Variants in FZR1 observed in about 807,000 individuals in gnomAD.
The protein encoded by FZR1 is fizzy and cell division cycle 20 related 1.
Under a neutral mutation model 63.6 loss-of-function variants are expected in FZR1, and 11 were observed. The observed-to-expected ratio is 0.17, with a 90% CI of 0.11 to 0.29. The LOEUF (loss-of-function observed/expected upper bound fraction) is 0.29. FZR1 is among the 10% of genes least tolerant of loss of function. The pLI is 1.00. For missense variants in FZR1, 440 were observed against 687.5 expected, an observed-to-expected ratio of 0.64 and a Z score of 4.03; for synonymous variants, 328 against 297.9, an observed-to-expected ratio of 1.10 and a Z score of -1.04.
chr19:3,509,487 A>G (rs2083009447), intron 1 of FZR1, among the ~76,000 whole-genome samples: 1 of 152,042 alleles, frequency 6.6e-6, no homozygotes, highest in Admixed American at 6.6e-5. Flanking sequence ...ATTTGGATAC[A>G]CTTCTCCTGC....
intron 7 of FZR1, 144 bp from the exon 8 acceptor site, chr19:3,530,648 G>A: frequency 3.1e-6 from 2 of 638,442 alleles, no homozygotes; most frequent in South Asian, 3.7e-5. Context: ...AAAAGTGGAT[G>A]GGACTGTGGA....
chr19:3,508,200 CTTTTTT>C (rs71166908), intron 1 of FZR1, among the ~76,000 whole-genome samples: 20 of 91,090 alleles, frequency 2.2e-4, no homozygotes, highest in African/African-American at 9.0e-4. Flanking sequence ...CATTGATTTT[CTTTTTT>C]TTTTTTTTTT....
rs147158939 is a variant in FZR1, at chr19:3,530,816, G to A, written c.679G>A (p.Val227Met). 153 of 1,613,140 alleles carry A rather than the reference G, an allele frequency of 9.5e-5. No homozygotes were observed. The highest frequency in any genetic ancestry group is 1.2e-4 in the Non-Finnish European group (144 of 1,179,768). Residue 227 changes from valine to methionine, a missense_variant, in exon 8 of 14, where the codon GTG becomes ATG. Val to Met is a conservative substitution (Grantham distance 21). Coordinates refer to ENST00000441788, the MANE Select transcript of FZR1 (RefSeq NM_016263.4). Reference sequence around the variant, plus strand: ...GGTGACGCGGCTCTGTGACCTCTCAGTGGAAGGGGACTCAGTGACCTCCGT... The same window carrying A: ...GGTGACGCGGCTCTGTGACCTCTCAATGGAAGGGGACTCAGTGACCTCCGT... ...SQVTRLCDLS[V>M]EGDSVTSVGW... is the part of the protein sequence containing the mutation.
In FZR1 at chr19:3,532,409, TC is replaced by T; in HGVS notation, c.1009-3del. The T allele has an allele frequency of 6.3e-7, 1 of 1,585,806 alleles. No individual in the cohort carries two copies. Among genetic ancestry groups the T allele is most frequent in the Non-Finnish European group, 8.6e-7 (1 of 1,163,846 alleles). On this transcript the variant is annotated splice_region_variant and splice_polypyrimidine_tract_variant and intron_variant, in intron 10 of 13. Transcript: ENST00000441788. ...GACAGCCCCGGCCTCACAGCCCCTGTCCCCCAGCTGCTGGTCTGGAATCACT... is the reference window on the plus strand; with the variant it reads ...GACAGCCCCGGCCTCACAGCCCCTGTCCCCAGCTGCTGGTCTGGAATCACT...
chr19:3,513,181 A>G (rs1273581705), intron 1 of FZR1, among the ~76,000 whole-genome samples: 2 of 151,940 alleles, frequency 1.3e-5, no homozygotes, highest in East Asian at 1.9e-4. Flanking sequence ...GCTGTTAGCC[A>G]GCCCACCCCC....
Position 3,525,340 on chromosome 19 carries a change from C to T in FZR1, c.70-528C>T, listed in dbSNP as rs565730322. ...GCAGCGTTGGGAGGCTGAGCCTGCCCGTGGGCCTGGCATCTCCCGGAGGCT... is the reference window on the plus strand; with the variant it reads ...GCAGCGTTGGGAGGCTGAGCCTGCCTGTGGGCCTGGCATCTCCCGGAGGCT... On this transcript the variant is annotated intron_variant, in intron 2 of 13. Transcript: ENST00000441788. This position sits in a 1 kb window ranked among gnomAD's most constrained non-coding sequence, Gnocchi z 4.2. Among the ~76,000 whole-genome samples, 135 of 151,836 alleles carry T rather than the reference C, an allele frequency of 8.9e-4. No homozygotes were observed. The highest frequency in any genetic ancestry group is 1.1e-3 in the African/African-American group (45 of 41,422).
chr19:3,525,800 G>T lies in FZR1; in HGVS notation c.70-68G>T. On this transcript the variant is annotated intron_variant, in intron 2 of 13. Transcript: ENST00000441788. The surrounding 1 kb of genome is among the most constrained non-coding windows in gnomAD (Gnocchi z 4.2). ...TGCTCAGTGGCCAGAGGCTGAGAGA[G>T]GCTGGCCTGGGGGCACTCTCGGGGG... The T allele has an allele frequency of 6.4e-7, 1 of 1,565,344 alleles. No homozygotes were observed. Among genetic ancestry groups the T allele is most frequent in the Non-Finnish European group, 8.7e-7 (1 of 1,155,184 alleles).
chr19:3,530,498 G>A (rs2083235321), intron 7 of FZR1, among the ~76,000 whole-genome samples: 1 of 148,364 alleles, frequency 6.7e-6, no homozygotes, highest in Non-Finnish European at 1.5e-5. Context: ...GTGAGCGGAT[G>A]CAAGAGTGGA....
In FZR1 at chr19:3,525,156, C is replaced by T. The variant is rs920406135; in HGVS notation, c.70-712C>T. 3.9e-5 allele frequency among the ~76,000 whole-genome samples: 6 copies of T among 152,168 alleles called. No individual in the cohort carries two copies. The highest frequency in any genetic ancestry group is 2.1e-4 in the South Asian group (1 of 4,832). On this transcript the variant is annotated intron_variant, in intron 2 of 13. Transcript: ENST00000441788. The surrounding 1 kb of genome is among the most constrained non-coding windows in gnomAD (Gnocchi z 4.2). ...GCGTGTCTTGTGCCGTCAAGGCCTG[C>T]GTCTGTGATCATCTAGAGACGGTGA... is the stretch of plus-strand genomic sequence containing the variant.
intron 2 of FZR1, among the ~76,000 whole-genome samples, chr19:3,524,406 G>A (rs766082422): frequency 6.6e-6 from 1 of 152,200 alleles, no homozygotes; most frequent in African/African-American, 2.4e-5. Flanking sequence ...GTCCTGCCCC[G>A]CAGTCACCCA....
chr19:3,520,969 C>CT (rs2083096075), intron 1 of FZR1, among the ~76,000 whole-genome samples: 1 of 152,220 alleles, frequency 6.6e-6, no homozygotes, highest in African/African-American at 2.4e-5. Flanking sequence ...CCTCCCAGGT[C>CT]TTTTGTGTCT....
chr19:3,513,206 C>T (rs560035544), intron 1 of FZR1, among the ~76,000 whole-genome samples: 8 of 152,086 alleles, frequency 5.3e-5, no homozygotes, highest in African/African-American at 9.6e-5. Flanking sequence ...TCTGTCACCG[C>T]CATCCAGCAA....
At position 3,519,265 on chromosome 19, in the gene FZR1, C is replaced by G. The variant is rs1407845381; in HGVS notation, c.-34-3691C>G. 2.6e-5 allele frequency among the ~76,000 whole-genome samples: 4 copies of G among 152,382 alleles called. No homozygotes were observed. The East Asian group carries it at 7.7e-4, about 29-fold the overall frequency. ...GCTGCCCTGCAAGGTGGCCTAGGCA[C>G]AGGTCCTGGGGTCAGGACCCTACGC... is the stretch of plus-strand genomic sequence containing the variant. On this transcript the variant is annotated intron_variant, in intron 1 of 13. Coordinates refer to ENST00000441788, the MANE Select transcript of FZR1 (RefSeq NM_016263.4).
At chr19:3,512,613 C>T (rs114503116) in intron 1 of FZR1, among the ~76,000 whole-genome samples, 2,537 of 152,192 alleles carry the variant, frequency 0.017, 66 homozygotes, top group African/African-American at 0.058. Flanking sequence ...GGTGCTTCGC[C>T]CGCCTTGGGT....
At chr19:3,507,871 G>A (rs1228257482) in intron 1 of FZR1, among the ~76,000 whole-genome samples, 4 of 152,262 alleles carry the variant, frequency 2.6e-5, no homozygotes, top group African/African-American at 9.6e-5. Flanking sequence ...ATTTCCTTCG[G>A]AATCCCAAGT....
At chr19:3,512,744 A>G (rs909351953) in intron 1 of FZR1, among the ~76,000 whole-genome samples, 5 of 152,062 alleles carry the variant, frequency 3.3e-5, no homozygotes, top group African/African-American at 1.2e-4. Context: ...TCACATCATG[A>G]CACCGAGGAC....
intron 1 of FZR1, among the ~76,000 whole-genome samples, chr19:3,518,803 G>A (rs1412592131): frequency 6.6e-6 from 1 of 152,232 alleles, no homozygotes; most frequent in East Asian, 1.9e-4. Context: ...GGTGGAGGCT[G>A]CAGTGAACCA....
chr19:3,513,278 A>G (rs1375901288), intron 1 of FZR1, among the ~76,000 whole-genome samples: 1 of 152,000 alleles, frequency 6.6e-6, no homozygotes, highest in Non-Finnish European at 1.5e-5. Context: ...CTCTGTCACC[A>G]CCATCCAGTG....
chr19:3,530,788 C>G lies in FZR1; in HGVS notation c.655-4C>G. 6.2e-7 allele frequency: 1 copy of G among 1,612,130 alleles called. No homozygotes were observed. The highest frequency in any genetic ancestry group is 8.5e-7 in the Non-Finnish European group (1 of 1,179,114). On this transcript the variant is annotated splice_region_variant and splice_polypyrimidine_tract_variant and intron_variant, in intron 7 of 13. Transcript: ENST00000441788. ...GCAAAGCTCACACTGACCTCTGCCT[C>G]CAGGTGACGCGGCTCTGTGACCTCT...
Sources: allele counts gnomAD v4.1 joint callset (sites outside exome capture counted in the v4.1 genomes callset), GRCh38; gene constraint gnomAD v4.1.1; non-coding constraint Gnocchi (gnomAD v3.1); transcripts MANE v1.5; gene names NCBI Gene and HGNC (gene_info 2026-07-23, HGNC 2026-07-21).